Variants in RIPK1 observed in about 807,000 individuals in gnomAD.
RIPK1 encodes receptor interacting serine/threonine kinase 1, also known as receptor-interacting serine/threonine-protein kinase 1.
RIPK1 carries 27 observed loss-of-function variants against 62.4 expected under a neutral mutation model. That is an observed-to-expected ratio of 0.43 (90% CI 0.32 to 0.60). The LOEUF (loss-of-function observed/expected upper bound fraction) is 0.60, where lower values mean the gene tolerates loss of function less well. RIPK1 is among the 20% of genes least tolerant of loss of function. The probability of loss-of-function intolerance (pLI) is 0.07; values close to 1 mark genes in which losing one functional copy is unlikely to be tolerated. For missense variants in RIPK1, 735 were observed against 831.0 expected (o/e 0.88, Z 1.42); for synonymous variants, 287 against 303.2 (o/e 0.95, Z 0.55).
At chr6:3,102,187 C>T (rs755575065) in intron 7 of RIPK1, among the ~76,000 whole-genome samples, 54 of 152,258 alleles carry the variant, frequency 3.5e-4, no homozygotes, top group Admixed American at 1.0e-3. Context: ...ACCCAAAATC[C>T]AAAATTCAAA....
At chr6:3,083,945 C>T (rs1445737302) in intron 5 of RIPK1, among the ~76,000 whole-genome samples, 3 of 152,152 alleles carry the variant, frequency 2.0e-5, no homozygotes, top group South Asian at 2.1e-4. Flanking sequence ...CCCCGCTTCA[C>T]CCCTCTTCAT....
chr6:3,087,370 T>C (rs1759753699), intron 6 of RIPK1, among the ~76,000 whole-genome samples: 1 of 152,082 alleles, frequency 6.6e-6, no homozygotes, highest in Non-Finnish European at 1.5e-5. Flanking sequence ...AAAAACTATA[T>C]CTTTGGTTAT....
chr6:3,096,915 C>T (rs912765892), intron 7 of RIPK1, among the ~76,000 whole-genome samples: 1 of 151,414 alleles, frequency 6.6e-6, no homozygotes, highest in Non-Finnish European at 1.5e-5. Context: ...CTGTTGCCCA[C>T]GCTGGAGTTC....
intron 9 of RIPK1, among the ~76,000 whole-genome samples, chr6:3,107,555 A>G (rs1156346483): frequency 2.3e-4 from 31 of 135,676 alleles, no homozygotes; most frequent in Non-Finnish European, 4.0e-4. Flanking sequence ...ACAGAGCGAG[A>G]CTGTCGCAAA....
intron 9 of RIPK1, among the ~76,000 whole-genome samples, chr6:3,109,368 C>T (rs1054035751): frequency 6.6e-6 from 1 of 151,956 alleles, no homozygotes; most frequent in Non-Finnish European, 1.5e-5. Context: ...GTCAGCAGAT[C>T]GGTGGGAAAT....
Position 3,105,487 on chromosome 6 carries a change from G to T in RIPK1, c.1012G>T (p.Glu338Ter). Residue 338 changes from glutamate (E) to a stop codon, truncating the protein, a stop_gained, in exon 9 of 11, where the codon GAA becomes TAA. Coordinates refer to ENST00000259808, the MANE Select transcript of RIPK1 (RefSeq NM_001354930.2). LOFTEE classifies it high-confidence loss of function. The surrounding 1 kb of genome is among the most constrained non-coding windows in gnomAD (Gnocchi z 4.5). Reference sequence around the variant, plus strand: ...TGTTGATCATTTCTTCTCAGCCACAGAACAGCCTGGTTCACTGCACAGTTC... The same window carrying T: ...TGTTGATCATTTCTTCTCAGCCACATAACAGCCTGGTTCACTGCACAGTTC... ...VPSSRSNSATEQPGSLHSSQG... is the reference protein window; with the variant it reads ...VPSSRSNSAT The T allele has an allele frequency of 6.5e-7, 1 of 1,536,980 alleles. No individual in the cohort carries two copies. Among genetic ancestry groups the T allele is most frequent in the Non-Finnish European group, 8.7e-7 (1 of 1,145,794 alleles).
At chr6:3,107,698 A>T (rs908482692) in intron 9 of RIPK1, among the ~76,000 whole-genome samples, 12 of 152,148 alleles carry the variant, frequency 7.9e-5, no homozygotes, top group Admixed American at 7.2e-4. Flanking sequence ...AGTGGACAGA[A>T]GGCAGACCCT....
upstream of RIPK1, among the ~76,000 whole-genome samples, chr6:3,064,568 G>C (rs112817220): frequency 6.8e-3 from 1,032 of 152,264 alleles, 18 homozygotes; most frequent in African/African-American, 0.024. Context: ...CAGGCTCAGC[G>C]CTCGCCTGCA....
At chr6:3,106,630 C>T (rs1201886159) in intron 9 of RIPK1, among the ~76,000 whole-genome samples, 2 of 152,230 alleles carry the variant, frequency 1.3e-5, no homozygotes, top group African/African-American at 4.8e-5. Context: ...ACAGCATCTA[C>T]CAATGATACC....
chr6:3,080,942 C>A (rs762911172), intron 3 of RIPK1, 37 bp from the exon 4 acceptor site: 7 of 1,602,892 alleles, frequency 4.4e-6, no homozygotes, highest in African/African-American at 1.3e-5. Context: ...TATTTGATAA[C>A]CTTTCCATTT....
At chr6:3,073,577 GTCCCACCGATGTAGT>G (rs1351779126) in intron 1 of RIPK1, among the ~76,000 whole-genome samples, 8 of 151,818 alleles carry the variant, frequency 5.3e-5, no homozygotes, top group African/African-American at 1.9e-4. Flanking sequence ...CACTGCCCAC[GTCCCACCGATGTAGT>G]TGTTTCCTGA....
intron 3 of RIPK1, among the ~76,000 whole-genome samples, chr6:3,078,678 CA>C (rs1759223757): frequency 6.6e-6 from 1 of 152,194 alleles, no homozygotes; most frequent in Admixed American, 6.5e-5. Flanking sequence ...TACCATTCAA[CA>C]AAGTTTTATT....
Position 3,086,468 on chromosome 6 carries a change from C to T in RIPK1, c.838+1060C>T, listed in dbSNP as rs149052140. Reference sequence around the variant, plus strand: ...TGGGGTACCCAGGCTCCTCACACTTCTGCTTAGTCAGCTACAAATTTATTT... The same window carrying T: ...TGGGGTACCCAGGCTCCTCACACTTTTGCTTAGTCAGCTACAAATTTATTT... On this transcript the variant is annotated intron_variant, in intron 6 of 10. Transcript: ENST00000259808. 4.6e-3 allele frequency among the ~76,000 whole-genome samples: 695 copies of T among 152,350 alleles called. 9 individuals carry two copies. Among genetic ancestry groups the T allele is most frequent in the African/African-American group, 0.016 (659 of 41,580 alleles).
chr6:3,095,824 A>G lies in RIPK1; in HGVS notation c.915+6167A>G, dbSNP rs1315652115. ...TGAAACGAACAGAAGTTTTGTACTT[A>G]TTTTAACAAAATGTTAACAGCCTTT... is the stretch of plus-strand genomic sequence containing the variant. On this transcript the variant is annotated intron_variant, in intron 7 of 10. Transcript: ENST00000259808. Among the ~76,000 whole-genome samples, 5 of 150,328 alleles carry G rather than the reference A, an allele frequency of 3.3e-5. No individual in the cohort carries two copies. In the East Asian group the frequency reaches 9.8e-4, roughly 29 times the overall value.
intron 7 of RIPK1, among the ~76,000 whole-genome samples, chr6:3,096,353 A>C (rs1310742266): frequency 1.3e-5 from 2 of 152,130 alleles, no homozygotes; most frequent in Non-Finnish European, 2.9e-5. Context: ...TTAGTTATAA[A>C]AATCAATATA....
chr6:3,111,902 G>T (rs1472460715), intron 10 of RIPK1, among the ~76,000 whole-genome samples: 2 of 152,214 alleles, frequency 1.3e-5, no homozygotes, highest in African/African-American at 4.8e-5. Context: ...GATATGGATA[G>T]AGAGAGAGCC....
chr6:3,089,456 C>T, intron 6 of RIPK1, 125 bp from the exon 7 acceptor site: 1 of 641,274 alleles, frequency 1.6e-6, no homozygotes, highest in Non-Finnish European at 2.8e-6. Flanking sequence ...TGATTTGGAG[C>T]TTAAATTTTT....
intron 6 of RIPK1, 79 bp downstream of exon 6, chr6:3,085,487 T>G (rs1401303309): frequency 2.0e-6 from 3 of 1,482,900 alleles, no homozygotes; most frequent in South Asian, 1.2e-5. Context: ...GGAACTTGGT[T>G]TGAATCCTCA....
At position 3,114,247 on chromosome 6, in the gene RIPK1, T is replaced by C. The variant is rs1761303319; in HGVS notation, c.*908T>C. ...GCCCTGGAGAGGGAACAGGAAATGC[T>C]GATCTCTACCCCTGGGTGAGACCAG... On this transcript the variant is annotated 3_prime_UTR_variant, in exon 11 of 11. Coordinates refer to ENST00000259808, the MANE Select transcript of RIPK1 (RefSeq NM_001354930.2). This position sits in a 1 kb window ranked among gnomAD's most constrained non-coding sequence, Gnocchi z 5.0. The C allele has an allele frequency of 6.6e-6, 1 of 152,228 alleles. No homozygotes were observed. Among genetic ancestry groups the C allele is most frequent in the Admixed American group, 6.5e-5 (1 of 15,286 alleles). The allele number at this position is 152,228 out of a possible 1,614,324, so 9.4% of individuals were successfully genotyped here.
Sources: gnomAD v4.1 joint callset for allele counts (sites outside exome capture counted in the v4.1 genomes callset) on GRCh38, gnomAD v4.1.1 for gene constraint, Gnocchi (gnomAD v3.1) non-coding constraint, MANE v1.5 for transcripts, NCBI Gene and HGNC (gene_info 2026-07-23, HGNC 2026-07-21) for gene names.